NUP210L: variants seen among roughly 807,000 people sequenced by gnomAD.
NUP210L encodes the protein nucleoporin 210 like, also known as nuclear pore membrane glycoprotein 210-like.
NUP210L carries 74 observed loss-of-function variants against 208.5 expected under a neutral mutation model. That is an observed-to-expected ratio of 0.35 (90% confidence interval 0.29 to 0.43). The LOEUF is 0.43. Ranked by LOEUF, NUP210L falls within the 20% of genes least tolerant of loss-of-function variation. The pLI, the probability that NUP210L is intolerant of heterozygous loss-of-function variation, is 1.00. For missense variants in NUP210L, 1,843 were observed against 2,289.4 expected (o/e 0.81, Z 3.98); for synonymous variants, 780 against 816.9 (o/e 0.95, Z 0.77).
intron 14 of NUP210L, among the ~76,000 whole-genome samples, chr1:154,098,340 G>A (rs1019784070): frequency 6.6e-6 from 1 of 152,202 alleles, no homozygotes; most frequent in Non-Finnish European, 1.5e-5. Flanking sequence ...CCCACAACGT[G>A]GTGAGCAAGG....
At chr1:154,110,280 G>T (rs1437096402) in intron 12 of NUP210L, among the ~76,000 whole-genome samples, 1 of 149,074 alleles carries the variant, frequency 6.7e-6, no homozygotes, top group Non-Finnish European at 1.5e-5. Context: ...ACCCAATGTT[G>T]TATTTTTTTT....
intron 28 of NUP210L, 121 bp from the exon 29 acceptor site, chr1:154,027,718 C>A (rs1651978719): frequency 6.4e-6 from 4 of 620,480 alleles, no homozygotes. Flanking sequence ...TACGAATCAA[C>A]AGTCTGCCTA....
intron 16 of NUP210L, among the ~76,000 whole-genome samples, chr1:154,079,103 A>G (rs1655183671): frequency 6.6e-6 from 1 of 152,082 alleles, no homozygotes; most frequent in South Asian, 2.1e-4. Context: ...TGGGCAAAAA[A>G]TAAAAATTAG....
chr1:154,134,423 C>CTT (rs375962653), intron 7 of NUP210L, among the ~76,000 whole-genome samples: 28 of 129,760 alleles, frequency 2.2e-4, no homozygotes, highest in East Asian at 4.6e-4. Context: ...CTCCGTGTAC[C>CTT]TTTTTTTTTT....
chr1:154,035,007 A>T (rs937402731), intron 27 of NUP210L, among the ~76,000 whole-genome samples: 4 of 151,710 alleles, frequency 2.6e-5, no homozygotes, highest in Non-Finnish European at 5.9e-5. Context: ...ATGCCTGGCT[A>T]ATTTTTGTAT....
chr1:154,081,964 G>C (rs1655355460), intron 16 of NUP210L, among the ~76,000 whole-genome samples: 1 of 152,156 alleles, frequency 6.6e-6, no homozygotes, highest in Non-Finnish European at 1.5e-5. Flanking sequence ...CTGGGCAACA[G>C]AGTGAGACCC....
At chr1:153,996,698 G>C (rs1649887914) in intron 37 of NUP210L, among the ~76,000 whole-genome samples, 1 of 152,080 alleles carries the variant, frequency 6.6e-6, no homozygotes, top group Admixed American at 6.6e-5. Flanking sequence ...TGGAATTACA[G>C]GCATGAGCCG....
rs371560025 is a variant in NUP210L at position 153,993,314 on chromosome 1, C to T, written c.5492-225G>A. 6.6e-5 allele frequency among the ~76,000 whole-genome samples: 10 copies of T among 152,262 alleles called. No homozygotes were observed. In the South Asian group the frequency reaches 8.3e-4, roughly 13 times the overall value. ...GGGCACGGTGGCTCACGCCTGTAATCGCAGCATTTTGGGAGGCTGAGGTGG... is the reference window on the plus strand; with the variant it reads ...GGGCACGGTGGCTCACGCCTGTAATTGCAGCATTTTGGGAGGCTGAGGTGG... On this transcript the variant is annotated intron_variant, in intron 38 of 39. Coordinates refer to ENST00000368559, the Ensembl canonical transcript of NUP210L.
rs188022323 is a variant in NUP210L at position 154,082,831 on chromosome 1, G to A, written c.2361+6590C>T. ...GCCTTGAGTGTTACAGCTCTTAAAG[G>A]TGGCACGTCTGGACTTGGTCATTCC... On this transcript the variant is annotated intron_variant, in intron 16 of 39. Coordinates refer to ENST00000368559, the Ensembl canonical transcript of NUP210L. 9.1e-4 allele frequency among the ~76,000 whole-genome samples: 138 copies of A among 152,246 alleles called. 3 individuals are homozygous for A. Among genetic ancestry groups the A allele is most frequent in the African/African-American group, 3.2e-3 (135 of 41,560 alleles).
chr1:154,079,012 T>C (rs1655178720), intron 16 of NUP210L: 1 of 152,164 alleles, frequency 6.6e-6, no homozygotes, highest in East Asian at 1.9e-4. Flanking sequence ...TGGCTGAGCA[T>C]GGTGGCTCAC....
At chr1:154,092,550 GTTT>G (rs760240667) in intron 15 of NUP210L, among the ~76,000 whole-genome samples, 2 of 128,540 alleles carry the variant, frequency 1.6e-5, no homozygotes, top group Non-Finnish European at 1.7e-5. Flanking sequence ...TTTGTTTTTT[GTTT>G]TTTTTTTTTT....
intron 37 of NUP210L, among the ~76,000 whole-genome samples, chr1:153,997,430 C>T (rs950794482): frequency 3.3e-5 from 5 of 151,196 alleles, no homozygotes; most frequent in African/African-American, 7.3e-5. Context: ...CGTGAGCTAC[C>T]GCACCTGGCC....
intron 16 of NUP210L, among the ~76,000 whole-genome samples, chr1:154,080,974 C>T (rs1185634265): frequency 1.7e-5 from 2 of 120,280 alleles, no homozygotes; most frequent in East Asian, 2.3e-4. Context: ...ACTGTGCTTC[C>T]GAAAAAAAAA....
intron 10 of NUP210L, among the ~76,000 whole-genome samples, chr1:154,125,863 G>T (rs1657933657): frequency 7.5e-6 from 1 of 133,092 alleles, no homozygotes; most frequent in Admixed American, 8.8e-5. Context: ...CGCCTCCCGG[G>T]TTCACGCCAT....
intron 27 of NUP210L, among the ~76,000 whole-genome samples, chr1:154,039,367 G>T (rs1161971238): frequency 2.0e-5 from 3 of 151,790 alleles, no homozygotes; most frequent in Non-Finnish European, 2.9e-5. Context: ...CTGACTAGCT[G>T]GGATTACAGG....
intron 23 of NUP210L, 128 bp downstream of exon 23, chr1:154,056,687 C>A: frequency 1.1e-6 from 1 of 914,242 alleles, no homozygotes. Context: ...TCCCAAAGTG[C>A]TCACATGGTG....
At chr1:154,019,946 CAAAA>C (rs1192954100) in intron 32 of NUP210L, among the ~76,000 whole-genome samples, 1 of 151,566 alleles carries the variant, frequency 6.6e-6, no homozygotes, top group Non-Finnish European at 1.5e-5. Flanking sequence ...AACAAACAAA[CAAAA>C]AAAGAGAGGG....
intron 23 of NUP210L, among the ~76,000 whole-genome samples, chr1:154,055,104 T>C (rs1374180477): frequency 2.0e-5 from 3 of 149,898 alleles, no homozygotes; most frequent in Non-Finnish European, 4.4e-5. Flanking sequence ...CTTCTCTTTC[T>C]TTTCTTTCTC....
chr1:154,143,061 G>T (rs1433730071), intron 3 of NUP210L, among the ~76,000 whole-genome samples: 1 of 151,948 alleles, frequency 6.6e-6, no homozygotes, highest in Non-Finnish European at 1.5e-5. Flanking sequence ...GGTGGCGCAG[G>T]CCTGTAATCC....
Sources: allele counts gnomAD v4.1 joint callset (sites outside exome capture counted in the v4.1 genomes callset), GRCh38; gene constraint gnomAD v4.1.1; transcripts MANE v1.5; gene names NCBI Gene and HGNC (gene_info 2026-07-23, HGNC 2026-07-21).